The following MAPK4 variants were observed in gnomAD, a reference collection of about 807,000 sequenced individuals.
MAPK4 encodes Erk3-related.
MAPK4 carries 22 observed loss-of-function variants against 47.7 expected under a neutral mutation model. The ratio of observed to expected loss-of-function variants is 0.46; its 90% CI spans 0.33 to 0.66. MAPK4 has a LOEUF of 0.66. Ranked by LOEUF, MAPK4 falls within the 30% of genes least tolerant of loss-of-function variation. MAPK4 has a pLI of 0.02. For missense variants in MAPK4, 736 were observed against 831.7 expected (o/e 0.88, Z 1.42); for synonymous variants, 390 against 365.7 (o/e 1.07, Z -0.76).
rs1014884188 is a variant in MAPK4, at chr18:50,616,955, G to C, written c.-870-46134G>C. ...CCTTCAATCCAATCAAGTTGACACA[G>C]TATTAACCATCACAAGGCTTAACAC... is the stretch of plus-strand genomic sequence containing the variant. On this transcript the variant is annotated intron_variant, in intron 1 of 5. Transcript: ENST00000400384. 2.0e-4 allele frequency among the ~76,000 whole-genome samples: 31 copies of C among 152,324 alleles called. No homozygotes were observed. The South Asian group carries it at 5.8e-3, about 28-fold the overall frequency.
At chr18:50,580,222 C>T (rs905339480) in intron 1 of MAPK4, among the ~76,000 whole-genome samples, 1 of 152,110 alleles carries the variant, frequency 6.6e-6, no homozygotes, top group Non-Finnish European at 1.5e-5. Flanking sequence ...GATTGAAGAC[C>T]AGTGTTGGCA....
At chr18:50,630,640 T>C (rs938306570) in intron 1 of MAPK4, among the ~76,000 whole-genome samples, 1 of 152,226 alleles carries the variant, frequency 6.6e-6, no homozygotes, top group Admixed American at 6.5e-5. Context: ...ACTAAAATTC[T>C]GCACTCCTCT....
At chr18:50,687,691 A>G (rs1203780868) in intron 2 of MAPK4, among the ~76,000 whole-genome samples, 1 of 151,370 alleles carries the variant, frequency 6.6e-6, no homozygotes, top group Non-Finnish European at 1.5e-5. Context: ...CTGCGGTGTG[A>G]CCTCGCCTGG....
chr18:50,599,379 C>A (rs1298359889), intron 1 of MAPK4, among the ~76,000 whole-genome samples: 2 of 152,138 alleles, frequency 1.3e-5, no homozygotes, highest in Admixed American at 1.3e-4. Flanking sequence ...TATGCTTAAT[C>A]CATGAAATCT....
chr18:50,653,275 C>T (rs915447664), intron 1 of MAPK4, among the ~76,000 whole-genome samples: 1 of 151,746 alleles, frequency 6.6e-6, no homozygotes, highest in Non-Finnish European at 1.5e-5. Context: ...ACAAAAGGAA[C>T]AGCAAGTGTG....
intron 1 of MAPK4, among the ~76,000 whole-genome samples, chr18:50,581,650 G>A (rs1408767466): frequency 3.3e-5 from 5 of 152,230 alleles, no homozygotes; most frequent in Admixed American, 3.3e-4. Flanking sequence ...AAGCAGGTGA[G>A]CAGAAGAGTT....
At chr18:50,583,906 G>A (rs2042367521) in intron 1 of MAPK4, among the ~76,000 whole-genome samples, 1 of 152,150 alleles carries the variant, frequency 6.6e-6, no homozygotes, top group Non-Finnish European at 1.5e-5. Context: ...GAGACACACT[G>A]TACTAGAGGA....
intron 2 of MAPK4, among the ~76,000 whole-genome samples, chr18:50,675,417 T>G (rs1234030399): frequency 6.6e-6 from 1 of 151,652 alleles, no homozygotes; most frequent in Non-Finnish European, 1.5e-5. Context: ...CCCGGGTTCA[T>G]GCGATTCTCC....
rs116048612 is a variant in MAPK4 at position 50,680,866 on chromosome 18, T to C, written c.546+16362T>C. On this transcript the variant is annotated intron_variant, in intron 2 of 5. Transcript: ENST00000400384. ...ATTTGGGTTGTTGCTACTTTTTGGC[T>C]CTTATGATAAAGCTGCCATGAACAT... 5.4e-3 allele frequency among the ~76,000 whole-genome samples: 830 copies of C among 152,348 alleles called. 7 individuals carry two copies. Among genetic ancestry groups the C allele is most frequent in the African/African-American group, 0.019 (779 of 41,572 alleles).
intron 1 of MAPK4, among the ~76,000 whole-genome samples, chr18:50,581,932 A>G (rs955528619): frequency 6.6e-6 from 1 of 152,186 alleles, no homozygotes; most frequent in African/African-American, 2.4e-5. Flanking sequence ...AGCATTATCT[A>G]TTGATGAGAC....
chr18:50,636,565 C>T (rs1238636151), intron 1 of MAPK4, among the ~76,000 whole-genome samples: 1 of 152,210 alleles, frequency 6.6e-6, no homozygotes, highest in Non-Finnish European at 1.5e-5. Flanking sequence ...TGGGGTGACT[C>T]CTGACAGCCC....
At chr18:50,627,190 G>A (rs1446681814) in intron 1 of MAPK4, among the ~76,000 whole-genome samples, 1 of 152,100 alleles carries the variant, frequency 6.6e-6, no homozygotes, top group Non-Finnish European at 1.5e-5. Context: ...ACCAGCCTTG[G>A]GGAATGGCTT....
chr18:50,595,302 G>A (rs1463350136), intron 1 of MAPK4, among the ~76,000 whole-genome samples: 6 of 152,152 alleles, frequency 3.9e-5, no homozygotes, highest in East Asian at 3.8e-4. Flanking sequence ...CCAAAGTTCC[G>A]TGAAAGCAGA....
In MAPK4 at chr18:50,690,271, T is replaced by C. The variant is rs528688891; in HGVS notation, c.547-24808T>C. Among the ~76,000 whole-genome samples the C allele has an allele frequency of 3.9e-5, 6 of 152,372 alleles. No homozygotes were observed. In the East Asian group the frequency reaches 1.2e-3, roughly 29 times the overall value. On this transcript the variant is annotated intron_variant, in intron 2 of 5. Transcript: ENST00000400384. ...AGGAAAATGGTAGCTGCACTCTGTA[T>C]TTTAATGTGATACGTTCAGGTTGAG... is the stretch of plus-strand genomic sequence containing the variant.
At chr18:50,691,537 T>A (rs1909215912) in intron 2 of MAPK4, among the ~76,000 whole-genome samples, 1 of 152,152 alleles carries the variant, frequency 6.6e-6, no homozygotes, top group Non-Finnish European at 1.5e-5. Context: ...ACTTAACAAA[T>A]CCTGAGGCAT....
chr18:50,659,563 C>T (rs1454002156), intron 1 of MAPK4, among the ~76,000 whole-genome samples: 1 of 152,190 alleles, frequency 6.6e-6, no homozygotes, highest in African/African-American at 2.4e-5. Flanking sequence ...TGGTTTGCCT[C>T]CGCATGTTAA....
At chr18:50,672,631 G>A (rs539544590) in intron 2 of MAPK4, among the ~76,000 whole-genome samples, 6 of 152,084 alleles carry the variant, frequency 3.9e-5, no homozygotes, top group Non-Finnish European at 5.9e-5. Context: ...CCACCCTTCC[G>A]GGAAGCAACC....
intron 1 of MAPK4, among the ~76,000 whole-genome samples, chr18:50,597,740 C>G (rs2042495844): frequency 6.6e-6 from 1 of 152,142 alleles, no homozygotes; most frequent in Non-Finnish European, 1.5e-5. Flanking sequence ...GAAACCATAC[C>G]TAGATTATCT....
rs182853222 is a variant in MAPK4, at chr18:50,666,072, A to G, written c.546+1568A>G. Among the ~76,000 whole-genome samples, 1,000 of 152,330 alleles carry G rather than the reference A, an allele frequency of 6.6e-3. 11 individuals carry two copies. Among genetic ancestry groups the G allele is most frequent in the African/African-American group, 0.023 (966 of 41,574 alleles). On this transcript the variant is annotated intron_variant, in intron 2 of 5. Transcript: ENST00000400384. ...GGGATGCACAAAAACTACCTTCTGA[A>G]TTGGAATAAACCGGTACATTTGAGT... is the stretch of plus-strand genomic sequence containing the variant.
Sources: gnomAD v4.1 joint callset for allele counts (sites outside exome capture counted in the v4.1 genomes callset) on GRCh38, gnomAD v4.1.1 for gene constraint, MANE v1.5 for transcripts, NCBI Gene and HGNC (gene_info 2026-07-23, HGNC 2026-07-21) for gene names.